ZNF717: variants seen among roughly 807,000 people sequenced by gnomAD.
ZNF717 encodes the protein zinc finger protein 717.
A neutral mutation model predicts 13.8 loss-of-function variants in ZNF717; 9 were observed. The ratio of observed to expected loss-of-function variants is 0.65; its 90% CI spans 0.39 to 1.14. The LOEUF is 1.14. Among genes scored for constraint, ZNF717 ranks in the 50% most tolerant of loss-of-function variants. The probability of loss-of-function intolerance (pLI) is 0.01; values close to 1 mark genes in which losing one functional copy is unlikely to be tolerated. For synonymous variants in ZNF717, 327 were observed against 364.1 expected (o/e 0.90, Z 1.16); for missense variants, 1,040 against 1,080.7 (o/e 0.96, Z 0.53).
At chr3:75,700,992 G>A (rs1369105930) in intron 6 of ZNF717, among the ~76,000 whole-genome samples, 5 of 146,360 alleles carry the variant, frequency 3.4e-5, no homozygotes, top group African/African-American at 1.0e-4. Flanking sequence ...AATAAACAAA[G>A]TGAAGAGAAA....
chr3:75,727,581 A>C (rs1190540717), downstream of ZNF717, among the ~76,000 whole-genome samples: 3 of 152,206 alleles, frequency 2.0e-5, no homozygotes, highest in African/African-American at 4.8e-5. Context: ...ACTGAAATAC[A>C]CCCTGGTCTC....
intron 2 of ZNF717, among the ~76,000 whole-genome samples, chr3:75,765,782 A>G (rs1943416620): frequency 6.6e-6 from 1 of 152,232 alleles, no homozygotes; most frequent in Non-Finnish European, 1.5e-5. Context: ...AATTAACCCA[A>G]AAGAAGTTAG....
chr3:75,708,010 T>C (rs1937840468), downstream of ZNF717, among the ~76,000 whole-genome samples: 1 of 151,956 alleles, frequency 6.6e-6, no homozygotes, highest in Admixed American at 6.6e-5. Flanking sequence ...CTCTGTAGGC[T>C]CCACCTCTGG....
chr3:75,732,848 T>C (rs1371405799), downstream of ZNF717, among the ~76,000 whole-genome samples: 1 of 152,210 alleles, frequency 6.6e-6, no homozygotes, highest in African/African-American at 2.4e-5. Flanking sequence ...GCACAAGGCA[T>C]ACTAAAAGGC....
chr3:75,700,661 A>G (rs1559565695), intron 6 of ZNF717, among the ~76,000 whole-genome samples: 1 of 152,310 alleles, frequency 6.6e-6, no homozygotes, highest in Non-Finnish European at 1.5e-5. Flanking sequence ...TACTTTCAAC[A>G]AAAGTGCCAA....
chr3:75,704,987 A>G (rs1287818922), downstream of ZNF717, among the ~76,000 whole-genome samples: 1 of 152,302 alleles, frequency 6.6e-6, no homozygotes, highest in Non-Finnish European at 1.5e-5. Flanking sequence ...TGATAAGATC[A>G]GATATGCCTG....
intron 5 of ZNF717, among the ~76,000 whole-genome samples, chr3:75,713,607 C>T (rs1575717499): frequency 6.6e-6 from 1 of 152,074 alleles, no homozygotes; most frequent in Non-Finnish European, 1.5e-5. Flanking sequence ...ATCCATATAA[C>T]ATATCCACAT....
At chr3:75,771,638 C>A (rs62268130) in intron 2 of ZNF717, among the ~76,000 whole-genome samples, 1 of 151,886 alleles carries the variant, frequency 6.6e-6, no homozygotes, top group Non-Finnish European at 1.5e-5. Flanking sequence ...GCAGTCGCTA[C>A]GGAGACACTG....
At chr3:75,724,663 T>A (rs1938240764) in intron 4 of ZNF717, among the ~76,000 whole-genome samples, 1 of 152,244 alleles carries the variant, frequency 6.6e-6, no homozygotes, top group African/African-American at 2.4e-5. Context: ...TTAAGTAACA[T>A]GAAAATAAAA....
chr3:75,782,832 G>C (rs1433878745), intron 2 of ZNF717, among the ~76,000 whole-genome samples: 3 of 151,264 alleles, frequency 2.0e-5, no homozygotes, highest in Non-Finnish European at 4.4e-5. Flanking sequence ...ACAACACGCC[G>C]TGCTTTAGCG....
rs1187781983 is a variant in ZNF717, at chr3:75,738,920, T to G, written c.703A>C (p.Thr235Pro). ...FIHKRVHIVQ[T>P]FGKYNEYEKA... ...TCATATTCATTATATTTACCAAAGG[T>G]CTGTACTATATGAACCCTCTTATGT... The change falls in exon 5 of 5, where the codon ACC (threonine) becomes CCC (proline). Residue 235 changes from threonine (T) to proline (P), a missense_variant. Physicochemically the swap from Thr to Pro is conservative, Grantham distance 38. This residue lies in a region of ZNF717 where 873 missense variants were observed against 832.8 expected (regional missense o/e 1.05). Transcript: ENST00000652011. 3.9e-6 allele frequency: 6 copies of G among 1,551,412 alleles called. No individual in the cohort carries two copies. In the African/African-American group the frequency reaches 8.2e-5, roughly 21 times the overall value.
chr3:75,711,043 A>T (rs961921948), exon 6 of ZNF717: 2 of 152,208 alleles, frequency 1.3e-5, no homozygotes, highest in African/African-American at 4.8e-5. Flanking sequence ...GTCAGGCTGG[A>T]AGCACTGGAA....
intron 6 of ZNF717, among the ~76,000 whole-genome samples, chr3:75,696,724 C>T (rs1937606779): frequency 1.3e-5 from 2 of 152,424 alleles, no homozygotes; most frequent in Admixed American, 1.3e-4. Flanking sequence ...AAAGCCCTGT[C>T]TCTACTAAAA....
intron 4 of ZNF717, among the ~76,000 whole-genome samples, chr3:75,723,128 C>T (rs76479755): frequency 2.0e-5 from 3 of 150,698 alleles, no homozygotes; most frequent in Non-Finnish European, 3.0e-5. Context: ...CAGAAAAACC[C>T]GTGTTTTGAA....
At chr3:75,744,832 A>T (rs1940963391) in intron 2 of ZNF717, among the ~76,000 whole-genome samples, 1 of 152,216 alleles carries the variant, frequency 6.6e-6, no homozygotes, top group Non-Finnish European at 1.5e-5. Context: ...AAACTACTTA[A>T]CTTCAGCCTA....
Position 75,738,372 on chromosome 3 carries a change from G to T in ZNF717, c.1251C>A (p.His417Gln). 6.5e-7 allele frequency: 1 copy of T among 1,541,372 alleles called. No homozygotes were observed. ...CACATGCATAGGGCTTTTCCCCTGT[G>T]TGAGTTCTATGATGTATTGTGAGGT... is the stretch of plus-strand genomic sequence containing the variant. The part of the protein sequence containing the change: ...KSYLTIHHRT[H>Q]TGEKPYACDH... Residue 417 changes from histidine (H) to glutamine (Q), a missense_variant, in exon 5 of 5, where the codon CAC becomes CAA. By Grantham distance (24) the His-to-Gln change is conservative. Transcript: ENST00000652011.
At chr3:75,703,085 A>G (rs1167526807) in intron 6 of ZNF717, among the ~76,000 whole-genome samples, 1 of 152,430 alleles carries the variant, frequency 6.6e-6, no homozygotes, top group South Asian at 2.1e-4. Flanking sequence ...ACTAAGAGGT[A>G]CAGCCTTATT....
chr3:75,729,555 C>T (rs796858499), downstream of ZNF717, among the ~76,000 whole-genome samples: 13 of 134,696 alleles, frequency 9.7e-5, no homozygotes, highest in East Asian at 2.2e-3. Context: ...GCGGAGGTTG[C>T]GGTGAGCCGA....
At chr3:75,713,191 C>A (rs1937979821) in intron 5 of ZNF717, among the ~76,000 whole-genome samples, 1 of 152,076 alleles carries the variant, frequency 6.6e-6, no homozygotes, top group African/African-American at 2.4e-5. Flanking sequence ...CAATCTGCCA[C>A]CCTTGCTGGA....
Sources: allele counts gnomAD v4.1 joint callset (sites outside exome capture counted in the v4.1 genomes callset), GRCh38; gene constraint gnomAD v4.1.1; regional missense constraint gnomAD v4.1.1; transcripts MANE v1.5; gene names NCBI Gene and HGNC (gene_info 2026-07-23, HGNC 2026-07-21).